Variants in DOT1L observed in about 807,000 individuals in gnomAD.
The protein encoded by DOT1L is histone-lysine N-methyltransferase, H3 lysine-79 specific.
Under a neutral mutation model 153.3 loss-of-function variants are expected in DOT1L, and 33 were observed. The observed-to-expected ratio is 0.22, with a 90% CI of 0.16 to 0.29. The LOEUF (loss-of-function observed/expected upper bound fraction) is 0.29. Ranked by LOEUF, DOT1L falls within the 10% of genes least tolerant of loss-of-function variation. DOT1L has a pLI of 1.00. For synonymous variants in DOT1L, 1,135 were observed against 965.1 expected, an observed-to-expected ratio of 1.18 and a Z score of -3.26; for missense variants, 1,847 against 2,119.9, an observed-to-expected ratio of 0.87 and a Z score of 2.53.
rs755578760 is a variant in DOT1L, at chr19:2,226,616, C to T, written c.4095C>T (p.Asn1365=). The stretch of plus-strand genomic sequence containing the variant: ...GCGGCAAGGAGGGCTCGGACGCCAA[C>T]CCTTTCCTGAGCAAGAGGCAGCTGG... The part of the protein sequence containing the change: ...SQRGKEGSDA[N]PFLSKRQLDG... Residue 1365 remains asparagine, a synonymous_variant, in exon 27 of 28, where the codon AAC becomes AAT. Transcript: ENST00000398665. 2 of 1,596,252 alleles carry T rather than the reference C, an allele frequency of 1.3e-6. No individual in the cohort carries two copies. The highest frequency in any genetic ancestry group is 2.2e-5 in the South Asian group (2 of 89,950).
At chr19:2,206,604 T>G (rs1378186996) in intron 9 of DOT1L, 125 bp from the exon 10 acceptor site, 3 of 838,330 alleles carry the variant, frequency 3.6e-6, no homozygotes. Context: ...TGTAGGCAGG[T>G]GGACAGGACC....
chr19:2,227,281 T>C (rs2024392488), intron 27 of DOT1L, 154 bp downstream of exon 27: 1 of 968,534 alleles, frequency 1.0e-6, no homozygotes, highest in Non-Finnish European at 1.7e-6. Flanking sequence ...GGTGGCGAAC[T>C]CCAGTCCTGT....
At chr19:2,209,274 T>C (rs1446332192) in intron 12 of DOT1L, among the ~76,000 whole-genome samples, 1 of 151,908 alleles carries the variant, frequency 6.6e-6, no homozygotes, top group Non-Finnish European at 1.5e-5. Flanking sequence ...TCTCTCTCTC[T>C]CCCACCCTCT....
rs201550442 is a variant in DOT1L, at chr19:2,174,809, CTT to C, written c.82-5898_82-5897del. ...AGTTAAAAAAAAAAAAAAGCAAAAACTTTTTTTGAAGAGATGAGGGTCTCAAT... is the reference window on the plus strand; with the variant it reads ...AGTTAAAAAAAAAAAAAAGCAAAAACTTTTTGAAGAGATGAGGGTCTCAAT... On this transcript the variant is annotated intron_variant, in intron 1 of 27. Coordinates refer to ENST00000398665, the MANE Select transcript of DOT1L (RefSeq NM_032482.3). 8.1e-3 allele frequency among the ~76,000 whole-genome samples: 1,214 copies of C among 150,462 alleles called. 7 individuals are homozygous for C. The highest frequency in any genetic ancestry group is 0.013 in the Non-Finnish European group (887 of 67,530).
chr19:2,164,380 C>T (rs1250408732), intron 1 of DOT1L, 115 bp downstream of exon 1: 3 of 638,320 alleles, frequency 4.7e-6, no homozygotes, highest in East Asian at 7.7e-5. Flanking sequence ...GAACGGAGAC[C>T]CTGGACTCCA....
intron 3 of DOT1L, among the ~76,000 whole-genome samples, chr19:2,188,922 CACAG>C (rs1292354909): frequency 4.6e-5 from 7 of 152,206 alleles, no homozygotes; most frequent in African/African-American, 1.7e-4. Context: ...TCACGTGCCC[CACAG>C]ACAGTGGGCA....
intron 12 of DOT1L, among the ~76,000 whole-genome samples, chr19:2,209,576 C>T (rs1361368488): frequency 6.6e-6 from 1 of 152,222 alleles, no homozygotes; most frequent in Admixed American, 6.5e-5. Context: ...GGGCTGTCCC[C>T]TCCTCTCCCA....
rs2023558811 is a variant in DOT1L, at chr19:2,207,749, C to G, written c.963+69C>G. 7.2e-7 allele frequency: 1 copy of G among 1,384,886 alleles called. No individual in the cohort carries two copies. Among genetic ancestry groups the G allele is most frequent in the Non-Finnish European group, 9.8e-7 (1 of 1,017,376 alleles). The allele number at this position is 1,384,886 out of a possible 1,614,324, so 85.8% of individuals were successfully genotyped here. A position where few individuals can be genotyped will look rare whatever the true frequency, so the allele number is the denominator to read the frequency against. On this transcript the variant is annotated intron_variant, in intron 11 of 27. Transcript: ENST00000398665. This position sits in a 1 kb window ranked among gnomAD's most constrained non-coding sequence, Gnocchi z 4.5. ...TCCACCCCGCCCACGTCACACTGCT[C>G]TCTCCTTTCTCATGTGGCCTCTGAG...
chr19:2,206,835 A>C (rs780653744), intron 10 of DOT1L, 38 bp downstream of exon 10: 2 of 1,586,070 alleles, frequency 1.3e-6, no homozygotes, highest in African/African-American at 2.7e-5. Context: ...GAACACGGGT[A>C]ATTTTAACCA....
At position 2,229,944 on chromosome 19, in the gene DOT1L, C is replaced by G; in HGVS notation, c.*152C>G. The G allele has an allele frequency of 7.4e-7, 1 of 1,355,836 alleles. No homozygotes were observed. The highest frequency in any genetic ancestry group is 1.8e-5 in the Admixed American group (1 of 55,462). The allele number at this position is 1,355,836 out of a possible 1,614,324, so 84.0% of individuals were successfully genotyped here. On this transcript the variant is annotated 3_prime_UTR_variant, in exon 28 of 28. Coordinates refer to ENST00000398665, the MANE Select transcript of DOT1L (RefSeq NM_032482.3). Reference sequence around the variant, plus strand: ...CACTGTGAATCGGCGGCACGCGCCGCAGGAGGCTGGGACTGGTCCAGTTTG... The same window carrying G: ...CACTGTGAATCGGCGGCACGCGCCGGAGGAGGCTGGGACTGGTCCAGTTTG...
intron 26 of DOT1L, among the ~76,000 whole-genome samples, 200 bp from the exon 27 acceptor site, chr19:2,225,983 C>T (rs950612155): frequency 6.6e-6 from 1 of 152,088 alleles, no homozygotes; most frequent in South Asian, 2.1e-4. Context: ...GTGCTGTAGT[C>T]CTCCTGTCCC....
chr19:2,172,020 T>C (rs1487445172), intron 1 of DOT1L, among the ~76,000 whole-genome samples: 1 of 152,032 alleles, frequency 6.6e-6, no homozygotes, highest in Non-Finnish European at 1.5e-5. Flanking sequence ...GTGCAAATAG[T>C]GATAACCTTG....
At chr19:2,211,572 CTGAGTGCT>C (rs2023716578) in intron 15 of DOT1L, among the ~76,000 whole-genome samples, 171 bp from the exon 16 acceptor site, 1 of 152,216 alleles carries the variant, frequency 6.6e-6, no homozygotes, top group African/African-American at 2.4e-5. Context: ...GTCAGAGGGC[CTGAGTGCT>C]CTGCGAGCTT....
intron 14 of DOT1L, 54 bp downstream of exon 14, chr19:2,210,909 G>A: frequency 6.3e-7 from 1 of 1,590,228 alleles, no homozygotes; most frequent in African/African-American, 1.3e-5. Flanking sequence ...GATGCCTGGG[G>A]TCCCCTCTGC....
chr19:2,220,418 G>A lies in DOT1L; in HGVS notation c.2806+196G>A, dbSNP rs1190158462. 1.5e-6 allele frequency: 1 copy of A among 684,394 alleles called. No homozygotes were observed. Among genetic ancestry groups the A allele is most frequent in the South Asian group, 1.5e-5 (1 of 66,640 alleles). The allele number at this position is 684,394 out of a possible 1,614,324, so 42.4% of individuals were successfully genotyped here. A position where few individuals can be genotyped will look rare whatever the true frequency, so the allele number is the denominator to read the frequency against. On this transcript the variant is annotated intron_variant, in intron 23 of 27. Transcript: ENST00000398665. The surrounding 1 kb of genome is among the most constrained non-coding windows in gnomAD (Gnocchi z 4.5). ...GGGATGCGGATCGGGCTCAGCTGCA[G>A]CCATCTCGGCCTCATACCTGGGTCT...
rs749203672 is a variant in DOT1L, at chr19:2,211,127, C to G, written c.1380C>G (p.Phe460Leu). 8 of 1,613,040 alleles carry G rather than the reference C, an allele frequency of 5.0e-6. No individual in the cohort carries two copies. In the Admixed American group the frequency reaches 1.2e-4, roughly 24 times the overall value. Residue 460 changes from phenylalanine to leucine, a missense_variant, in exon 15 of 28, where the codon TTC becomes TTG. Transcript: ENST00000398665. ...QDAYRSPHSP[F>L]YQLPPSVQRH... ...CCTACAGATCCCCTCACAGCCCGTTCTACCAGCTACCTCCGAGCGTGCAGC... is the reference window on the plus strand; with the variant it reads ...CCTACAGATCCCCTCACAGCCCGTTGTACCAGCTACCTCCGAGCGTGCAGC...
chr19:2,177,369 TC>T (rs1438759174), intron 1 of DOT1L, among the ~76,000 whole-genome samples: 3 of 151,954 alleles, frequency 2.0e-5, no homozygotes, highest in Non-Finnish European at 4.4e-5. Flanking sequence ...CGATCTCGGC[TC>T]ACTGTAACCT....
chr19:2,173,490 G>A (rs1430527016), intron 1 of DOT1L, among the ~76,000 whole-genome samples: 1 of 152,328 alleles, frequency 6.6e-6, no homozygotes, highest in Non-Finnish European at 1.5e-5. Context: ...AGAGCAGGGC[G>A]TCCTCGGGGA....
intron 8 of DOT1L, among the ~76,000 whole-genome samples, chr19:2,201,192 C>CGCA (rs1568348551): frequency 2.1e-5 from 3 of 142,608 alleles, no homozygotes; most frequent in Admixed American, 7.0e-5. Flanking sequence ...TCGTCCTCCC[C>CGCA]TCATTCCTCG....
Sources: gnomAD v4.1 joint callset for allele counts (sites outside exome capture counted in the v4.1 genomes callset) on GRCh38, gnomAD v4.1.1 for gene constraint, Gnocchi (gnomAD v3.1) non-coding constraint, MANE v1.5 for transcripts, NCBI Gene and HGNC (gene_info 2026-07-23, HGNC 2026-07-21) for gene names.